The following GRM3 variants were observed in gnomAD, a reference collection of about 807,000 sequenced individuals.
GRM3 encodes the protein glutamate metabotropic receptor 3.
Under a neutral mutation model 70.5 loss-of-function variants are expected in GRM3, and 26 were observed. The ratio of observed to expected loss-of-function variants is 0.37; its 90% CI spans 0.27 to 0.51. The LOEUF (loss-of-function observed/expected upper bound fraction) is 0.51. Ranked by LOEUF, GRM3 falls within the 20% of genes least tolerant of loss-of-function variation. The pLI, the probability that GRM3 is intolerant of heterozygous loss-of-function variation, is 0.93. For missense variants in GRM3, 859 were observed against 1,123.8 expected, an observed-to-expected ratio of 0.76 and a Z score of 3.37; for synonymous variants, 443 against 434.9, an observed-to-expected ratio of 1.02 and a Z score of -0.23.
At position 86,784,224 on chromosome 7, in the gene GRM3, T is replaced by TTC. The variant is rs199887948; in HGVS notation, c.469-2036_469-2035insCT. 9.5e-4 allele frequency: 144 copies of TTC among 152,224 alleles called. 1 individual carries two copies. Among genetic ancestry groups the TTC allele is most frequent in the African/African-American group, 3.3e-3 (137 of 41,514 alleles). 9.4% of individuals were successfully genotyped at this position (152,224 alleles called of 1,614,324 possible). A position where few individuals can be genotyped will look rare whatever the true frequency, so the allele number is the denominator to read the frequency against. On this transcript the variant is annotated intron_variant, in intron 2 of 5. Coordinates refer to ENST00000361669, the MANE Select transcript of GRM3 (RefSeq NM_000840.3). ...AAAAACAAGAACTTTTTTGTTTTTT[T>TTC]TTTGAGCAGTTTCTCATTACTCCTA...
At chr7:86,854,989 A>G (rs1028402409) in intron 5 of GRM3, among the ~76,000 whole-genome samples, 9 of 152,152 alleles carry the variant, frequency 5.9e-5, no homozygotes, top group African/African-American at 2.2e-4. Context: ...CTCAGAAAAC[A>G]TTTACTAAAA....
chr7:86,718,494 G>T (rs1452441056), intron 1 of GRM3, among the ~76,000 whole-genome samples: 1 of 151,962 alleles, frequency 6.6e-6, no homozygotes, highest in Non-Finnish European at 1.5e-5. Context: ...CATCATTTCT[G>T]CTAGAAATAG....
chr7:86,664,872 G>T (rs1421508575), intron 1 of GRM3, among the ~76,000 whole-genome samples: 20 of 152,022 alleles, frequency 1.3e-4, no homozygotes, highest in Admixed American at 1.3e-3. Flanking sequence ...GGCCTAAGGG[G>T]TAGTGACAGC....
intron 1 of GRM3, among the ~76,000 whole-genome samples, chr7:86,743,931 A>G (rs989146877): frequency 3.3e-5 from 5 of 152,292 alleles, no homozygotes; most frequent in African/African-American, 9.6e-5. Context: ...AAGGTTTTAT[A>G]TCCTTTACAA....
chr7:86,723,711 G>A (rs1795527578), intron 1 of GRM3, among the ~76,000 whole-genome samples: 1 of 152,116 alleles, frequency 6.6e-6, no homozygotes. Flanking sequence ...TAACAAAACT[G>A]ATTACAAAAT....
At chr7:86,678,650 G>C (rs1794366975) in intron 1 of GRM3, among the ~76,000 whole-genome samples, 1 of 151,982 alleles carries the variant, frequency 6.6e-6, no homozygotes, top group South Asian at 2.1e-4. Flanking sequence ...ATAGCAATTA[G>C]GAAAGGTGAG....
At chr7:86,853,916 CTT>C (rs1180474264) in intron 5 of GRM3, among the ~76,000 whole-genome samples, 4 of 152,132 alleles carry the variant, frequency 2.6e-5, no homozygotes, top group Non-Finnish European at 1.5e-5. Flanking sequence ...TGCTTTCACT[CTT>C]ATTCCTGGCA....
intron 3 of GRM3, among the ~76,000 whole-genome samples, chr7:86,832,680 A>G (rs2116718805): frequency 6.6e-6 from 1 of 152,284 alleles, no homozygotes; most frequent in South Asian, 2.1e-4. Context: ...TCTGTCTGAG[A>G]AGAAAAAAAT....
chr7:86,678,685 G>A (rs1281484862), intron 1 of GRM3, among the ~76,000 whole-genome samples: 1 of 152,066 alleles, frequency 6.6e-6, no homozygotes, highest in Non-Finnish European at 1.5e-5. Flanking sequence ...GGACAAGTAC[G>A]TATCCAGTTT....
At chr7:86,733,822 A>C (rs1023148423) in intron 1 of GRM3, among the ~76,000 whole-genome samples, 11 of 152,220 alleles carry the variant, frequency 7.2e-5, no homozygotes, top group Non-Finnish European at 1.3e-4. Flanking sequence ...GGCACAGGCC[A>C]TATGTACAGC....
chr7:86,759,199 C>A (rs1026501311), intron 1 of GRM3, among the ~76,000 whole-genome samples: 6 of 152,080 alleles, frequency 3.9e-5, no homozygotes, highest in Non-Finnish European at 7.4e-5. Context: ...TTCCTCCTAA[C>A]CCCTCTCAGA....
At chr7:86,810,228 A>G (rs991159179) in intron 3 of GRM3, among the ~76,000 whole-genome samples, 2 of 152,014 alleles carry the variant, frequency 1.3e-5, no homozygotes, top group African/African-American at 2.4e-5. Flanking sequence ...CAAAAGGTCA[A>G]GAAAATAGAA....
At chr7:86,751,358 T>C (rs987906210) in intron 1 of GRM3, among the ~76,000 whole-genome samples, 2 of 152,086 alleles carry the variant, frequency 1.3e-5, no homozygotes, top group African/African-American at 4.8e-5. Flanking sequence ...CTGTTAATTG[T>C]TATCAGAGTC....
rs1371590269 is a variant in GRM3, at chr7:86,764,896, T to C, written c.-140-110T>C. The C allele has an allele frequency of 6.7e-6, 4 of 597,004 alleles. No homozygotes were observed. The African/African-American group carries it at 7.5e-5, about 11-fold the overall frequency. The allele number at this position is 597,004 out of a possible 1,614,324, so 37.0% of individuals were successfully genotyped here. On this transcript the variant is annotated intron_variant, in intron 1 of 5. Coordinates refer to ENST00000361669, the MANE Select transcript of GRM3 (RefSeq NM_000840.3). ...CCTGGTGCTGTGGTGTACTGTGTGT[T>C]TAGTAAATGGTTTTCTGAGTCATCC...
chr7:86,645,997 G>A lies in GRM3; in HGVS notation c.-141+1125G>A, dbSNP rs1562811238. Among the ~76,000 whole-genome samples, 14 of 31,952 alleles carry A rather than the reference G, an allele frequency of 4.4e-4. 2 individuals are homozygous for A. Among genetic ancestry groups the A allele is most frequent in the African/African-American group, 1.6e-3 (14 of 8,998 alleles). The allele number at this position is 31,952 out of a possible 152,430, so 21.0% of individuals were successfully genotyped here. On this transcript the variant is annotated intron_variant, in intron 1 of 5. Coordinates refer to ENST00000361669, the MANE Select transcript of GRM3 (RefSeq NM_000840.3). ...CTTTGTGGTGGGCGGGGGGGTGGGG[G>A]TGGGGGGGTGGGGGGGGGTGGGAGG...
chr7:86,786,944 C>T lies in GRM3; in HGVS notation c.1152C>T (p.Tyr384=), dbSNP rs766987217. 6 of 1,614,152 alleles carry T rather than the reference C, an allele frequency of 3.7e-6. No individual in the cohort carries two copies. Among genetic ancestry groups the T allele is most frequent in the Non-Finnish European group, 4.2e-6 (5 of 1,179,970 alleles). The change falls in exon 3 of 6, where the codon TAC becomes TAT. Residue 384 remains tyrosine (Y), a synonymous_variant. Coordinates refer to ENST00000361669, the MANE Select transcript of GRM3 (RefSeq NM_000840.3). The surrounding 1 kb of genome is among the most constrained non-coding windows in gnomAD (Gnocchi z 6.0). ...ACCTGGCCATCGACAGCAGCAACTA[C>T]GAGCAAGAGTCCAAGATCATGTTTG... The part of the protein sequence containing the change: ...DKHLAIDSSN[Y]EQESKIMFVV...
intron 3 of GRM3, among the ~76,000 whole-genome samples, chr7:86,799,304 T>C (rs1024327778): frequency 2.0e-5 from 3 of 152,176 alleles, no homozygotes; most frequent in Admixed American, 2.0e-4. Flanking sequence ...ACAGAGAAAG[T>C]TTGACTTCCT....
At chr7:86,692,543 C>T (rs1233409975) in intron 1 of GRM3, among the ~76,000 whole-genome samples, 4 of 152,216 alleles carry the variant, frequency 2.6e-5, no homozygotes, top group Non-Finnish European at 5.9e-5. Context: ...TCCACCTATG[C>T]ACCTGCCACA....
intron 4 of GRM3, among the ~76,000 whole-genome samples, chr7:86,846,454 G>A (rs530236512): frequency 6.6e-6 from 1 of 152,240 alleles, no homozygotes; most frequent in East Asian, 1.9e-4. Flanking sequence ...TCAATGCTCA[G>A]TGAAGGTACA....
Sources: allele counts gnomAD v4.1 joint callset (sites outside exome capture counted in the v4.1 genomes callset), GRCh38; gene constraint gnomAD v4.1.1; non-coding constraint Gnocchi (gnomAD v3.1); transcripts MANE v1.5; gene names NCBI Gene and HGNC (gene_info 2026-07-23, HGNC 2026-07-21).